LRTM3: variants seen among roughly 807,000 people sequenced by gnomAD.
LRTM3 encodes leucine rich repeat transmembrane protein 3.
the LRTM3 span, among the ~76,000 whole-genome samples, chr13:102,756,502 A>T: frequency 6.6e-6 from 1 of 151,282 alleles, no homozygotes; most frequent in Non-Finnish European, 1.5e-5. Flanking sequence ...GTGAAACCGC[A>T]TCTCTACTAG....
chr13:102,731,286 G>C, the LRTM3 span: 1 of 1,551,276 alleles, frequency 6.4e-7, no homozygotes. Flanking sequence ...GTCCCTTCTA[G>C]AGACATAAAG....
At chr13:102,734,382 G>T in the LRTM3 span, 51 of 1,551,184 alleles carry the variant, frequency 3.3e-5, no homozygotes, top group Non-Finnish European at 4.3e-5. Flanking sequence ...TCCAGTTTAA[G>T]GTTAGATGGC....
chr13:102,755,948 T>C, the LRTM3 span, among the ~76,000 whole-genome samples: 185 of 51,106 alleles, frequency 3.6e-3, 3 homozygotes, highest in African/African-American at 8.9e-3. Flanking sequence ...TATACATATA[T>C]ATATATATAT....
the LRTM3 span, chr13:102,743,387 A>G: frequency 6.4e-7 from 1 of 1,550,498 alleles, no homozygotes; most frequent in East Asian, 2.4e-5. Context: ...TGTATCAGCC[A>G]CATTTTCACC....
At chr13:102,743,751 ACT>A in the LRTM3 span, 1 of 1,549,606 alleles carries the variant, frequency 6.5e-7, no homozygotes, top group Non-Finnish European at 8.7e-7. Context: ...TTTCTGGTAG[ACT>A]CTCTATTGAT....
the LRTM3 span, chr13:102,736,971 AGT>A: frequency 6.4e-7 from 1 of 1,550,954 alleles, no homozygotes; most frequent in Non-Finnish European, 8.7e-7. Context: ...TCTAATTTAC[AGT>A]GAGATAGAGA....
chr13:102,749,722 G>T, the LRTM3 span: 1 of 1,551,372 alleles, frequency 6.4e-7, no homozygotes, highest in Non-Finnish European at 8.7e-7. Context: ...TTGATTCTTG[G>T]TTATGATTTA....
the LRTM3 span, chr13:102,746,726 A>T: frequency 6.4e-7 from 1 of 1,551,000 alleles, no homozygotes; most frequent in East Asian, 2.4e-5. Flanking sequence ...ATCTTTTGGT[A>T]TTTCTGTCTT....
chr13:102,730,568 C>T, the LRTM3 span: 13 of 1,551,838 alleles, frequency 8.4e-6, no homozygotes, highest in Non-Finnish European at 1.0e-5. Context: ...ATCTTTCTTC[C>T]TCGGGCTGTG....
At chr13:102,734,491 A>G in the LRTM3 span, 2 of 1,551,322 alleles carry the variant, frequency 1.3e-6, no homozygotes, top group Non-Finnish European at 1.7e-6. Flanking sequence ...CAATGTTCAC[A>G]TGCAGTTCTG....
At chr13:102,739,794 G>A in the LRTM3 span, 1 of 1,548,996 alleles carries the variant, frequency 6.5e-7, no homozygotes, top group Non-Finnish European at 8.7e-7. Flanking sequence ...AATTTGAAGT[G>A]AGGTAAAGAA....
At chr13:102,735,355 C>T in the LRTM3 span, 3 of 1,551,338 alleles carry the variant, frequency 1.9e-6, no homozygotes, top group South Asian at 3.6e-5. Context: ...ATGCTATTCT[C>T]CCTGCATCTG....
At chr13:102,746,281 T>A in the LRTM3 span, 1 of 1,551,068 alleles carries the variant, frequency 6.4e-7, no homozygotes, top group Non-Finnish European at 8.7e-7. Flanking sequence ...GCGCTGCTTC[T>A]AATAAAACTT....
chr13:102,729,422 C>T, the LRTM3 span: 4 of 1,391,408 alleles, frequency 2.9e-6, no homozygotes, highest in South Asian at 3.9e-5. Flanking sequence ...ACCAGCTGTC[C>T]ACTTCAGAGG....
chr13:102,734,359 A>G, the LRTM3 span: 2 of 1,551,386 alleles, frequency 1.3e-6, no homozygotes, highest in East Asian at 4.9e-5. Context: ...CTTCATCTGC[A>G]TGCGTAGCTC....
At chr13:102,758,520 A>G in the LRTM3 span, 8 of 1,541,242 alleles carry the variant, frequency 5.2e-6, no homozygotes, top group African/African-American at 1.1e-4. Context: ...TTATATTAAA[A>G]TGTGAAATTG....
the LRTM3 span, chr13:102,747,243 T>C: frequency 6.5e-7 from 1 of 1,550,296 alleles, no homozygotes; most frequent in Non-Finnish European, 8.7e-7. Flanking sequence ...CTATACATTC[T>C]AGTATTAGGC....
chr13:102,748,750 C>A, the LRTM3 span: 1 of 1,549,820 alleles, frequency 6.5e-7, no homozygotes, highest in Non-Finnish European at 8.7e-7. Flanking sequence ...CTTTACTCTT[C>A]CCATTTGTTT....
At chr13:102,738,866 G>A in the LRTM3 span, 2 of 1,550,566 alleles carry the variant, frequency 1.3e-6, no homozygotes, top group Non-Finnish European at 1.7e-6. Context: ...TTGGAATATT[G>A]AAGGCTGCTT....
Sources: gnomAD v4.1 joint callset for allele counts (sites outside exome capture counted in the v4.1 genomes callset) on GRCh38, gnomAD v4.1.1 for gene constraint, MANE v1.5 for transcripts, NCBI Gene and HGNC (gene_info 2026-07-23, HGNC 2026-07-21) for gene names.